Variants in PTPRD observed in about 807,000 individuals in gnomAD.
PTPRD encodes protein tyrosine phosphatase receptor type D.
In PTPRD, 34 loss-of-function variants were observed where a neutral mutation model predicts 214.5. The ratio of observed to expected loss-of-function variants is 0.16; its 90% CI spans 0.12 to 0.21. The LOEUF is 0.21. PTPRD is among the 10% of genes least tolerant of loss of function. PTPRD has a pLI of 1.00. For synonymous variants in PTPRD, 1,128 were observed against 845.7 expected (o/e 1.33, Z -5.79); for missense variants, 2,545 against 2,398.7 (o/e 1.06, Z -1.27).
chr9:9,826,124 T>A (rs1260235228), intron 5 of PTPRD, among the ~76,000 whole-genome samples: 2 of 151,822 alleles, frequency 1.3e-5, no homozygotes, highest in African/African-American at 4.8e-5. Flanking sequence ...GTATCTTTAA[T>A]ATTTATTAAT....
In PTPRD at chr9:8,317,721, A is replaced by ATTTG. The variant is rs1451366721; in HGVS notation, c.*149_*152dup. The ATTTG allele has an allele frequency of 1.2e-5, 7 of 580,258 alleles. No homozygotes were observed. The highest frequency in any genetic ancestry group is 9.2e-5 in the African/African-American group (5 of 54,464). The allele number at this position is 580,258 out of a possible 1,614,324, so 35.9% of individuals were successfully genotyped here. On this transcript the variant is annotated 3_prime_UTR_variant, in exon 46 of 46. Transcript: ENST00000381196. ...GTGAATTCTTGGTCCACCTGGAATA[A>ATTTG]TTTGTTTTTAATTTGTTTTGTGTGT...
chr9:8,908,491 A>T (rs1473458972), intron 11 of PTPRD, among the ~76,000 whole-genome samples: 3 of 152,148 alleles, frequency 2.0e-5, no homozygotes, highest in Admixed American at 2.0e-4. Flanking sequence ...TTTTTAAATA[A>T]CCCATGGGGT....
At chr9:8,628,318 G>T (rs951975280) in intron 14 of PTPRD, among the ~76,000 whole-genome samples, 1 of 151,862 alleles carries the variant, frequency 6.6e-6, no homozygotes, top group Admixed American at 6.6e-5. Context: ...CTCCCTGAAA[G>T]ATTGTAAAAG....
chr9:10,193,465 G>A (rs183894320), intron 3 of PTPRD, among the ~76,000 whole-genome samples: 1 of 152,202 alleles, frequency 6.6e-6, no homozygotes, highest in African/African-American at 2.4e-5. Context: ...TAAAGTACTA[G>A]CATGGGAACA....
intron 14 of PTPRD, among the ~76,000 whole-genome samples, chr9:8,612,714 G>A (rs915296564): frequency 1.3e-5 from 2 of 152,228 alleles, no homozygotes; most frequent in African/African-American, 4.8e-5. Context: ...AGAAGAGGAT[G>A]ACAACTTCTG....
chr9:10,541,184 A>C lies in PTPRD; in HGVS notation c.-600+71214T>G, dbSNP rs144939539. Among the ~76,000 whole-genome samples the C allele has an allele frequency of 1.1e-3, 169 of 152,308 alleles. 1 individual carries two copies. Among genetic ancestry groups the C allele is most frequent in the African/African-American group, 3.5e-3 (146 of 41,580 alleles). On this transcript the variant is annotated intron_variant, in intron 2 of 45. Coordinates refer to ENST00000381196, the MANE Select transcript of PTPRD (RefSeq NM_002839.4). Reference sequence around the variant, plus strand: ...GATAGTGCCCTGTAAGAGTTGGAAAATGTATTCATTCTTTAAATGCTGATA... The same window carrying C: ...GATAGTGCCCTGTAAGAGTTGGAAACTGTATTCATTCTTTAAATGCTGATA...
intron 39 of PTPRD, among the ~76,000 whole-genome samples, chr9:8,363,320 T>C (rs938924417): frequency 2.0e-5 from 3 of 152,184 alleles, no homozygotes; most frequent in African/African-American, 4.8e-5. Flanking sequence ...AATCTCAATA[T>C]AAGCTCTGCT....
At chr9:8,571,118 C>A (rs2091018189) in intron 14 of PTPRD, among the ~76,000 whole-genome samples, 1 of 152,046 alleles carries the variant, frequency 6.6e-6, no homozygotes, top group Non-Finnish European at 1.5e-5. Flanking sequence ...TCAATTTTTA[C>A]CTTGAGCAAT....
At chr9:9,433,069 C>A (rs1217502805) in intron 8 of PTPRD, among the ~76,000 whole-genome samples, 2 of 151,900 alleles carry the variant, frequency 1.3e-5, no homozygotes, top group African/African-American at 4.8e-5. Context: ...GAAGGGCACA[C>A]AAAAGATAGG....
At chr9:8,502,403 G>C (rs10977164) in intron 23 of PTPRD, among the ~76,000 whole-genome samples, 4,257 of 152,106 alleles carry the variant, frequency 0.028, 188 homozygotes, top group African/African-American at 0.092. Flanking sequence ...GGAGTGCCAG[G>C]TGTATCCAAT....
intron 7 of PTPRD, among the ~76,000 whole-genome samples, chr9:9,579,376 A>T (rs938667971): frequency 1.3e-5 from 2 of 152,156 alleles, no homozygotes; most frequent in Non-Finnish European, 2.9e-5. Context: ...GAGGTAAACA[A>T]ATATATCCAA....
rs1296014869 is a variant in PTPRD at position 10,014,495 on chromosome 9, C to G, written c.-472+19223G>C. ...TATTCAAATGGTTGTTTTCTAATGA[C>G]TTGGTAACATGAAAGACAATTGTAT... On this transcript the variant is annotated intron_variant, in intron 4 of 45. Coordinates refer to ENST00000381196, the MANE Select transcript of PTPRD (RefSeq NM_002839.4). Among the ~76,000 whole-genome samples, 6 of 152,132 alleles carry G rather than the reference C, an allele frequency of 3.9e-5. No homozygotes were observed. In the South Asian group the frequency reaches 8.3e-4, roughly 21 times the overall value.
intron 5 of PTPRD, among the ~76,000 whole-genome samples, chr9:9,797,745 G>GC (rs2099012664): frequency 6.6e-6 from 1 of 152,084 alleles, no homozygotes; most frequent in Non-Finnish European, 1.5e-5. Flanking sequence ...ACTCGGGGGG[G>GC]GCTGAGGCAG....
chr9:10,178,170 G>C (rs1414095084), intron 3 of PTPRD, among the ~76,000 whole-genome samples: 1 of 151,946 alleles, frequency 6.6e-6, no homozygotes, highest in Non-Finnish European at 1.5e-5. Flanking sequence ...AGTTGTAAAA[G>C]ATATTTACTT....
chr9:9,809,243 A>G (rs374017968), intron 5 of PTPRD, among the ~76,000 whole-genome samples: 3 of 151,468 alleles, frequency 2.0e-5, no homozygotes, highest in South Asian at 4.2e-4. Flanking sequence ...TTCAGCAGAT[A>G]AAGGGCCTTA....
At chr9:9,341,955 T>G (rs1014126142) in intron 9 of PTPRD, among the ~76,000 whole-genome samples, 4 of 152,146 alleles carry the variant, frequency 2.6e-5, no homozygotes, top group Admixed American at 1.3e-4. Flanking sequence ...ATTACAGGCA[T>G]GTGCCACCAT....
chr9:8,669,090 C>A (rs78009908), intron 12 of PTPRD, among the ~76,000 whole-genome samples: 2 of 152,042 alleles, frequency 1.3e-5, no homozygotes, highest in Non-Finnish European at 2.9e-5. Context: ...GGGAGGTACT[C>A]CTTGCCCCAA....
intron 11 of PTPRD, among the ~76,000 whole-genome samples, chr9:8,967,810 T>C (rs1474570608): frequency 6.6e-6 from 1 of 152,078 alleles, no homozygotes; most frequent in East Asian, 1.9e-4. Context: ...CGTGCAGGTG[T>C]GTTACATATG....
At chr9:9,695,943 C>A (rs777817791) in intron 7 of PTPRD, among the ~76,000 whole-genome samples, 1 of 151,952 alleles carries the variant, frequency 6.6e-6, no homozygotes, top group Admixed American at 6.6e-5. Flanking sequence ...TCCTCCTTTT[C>A]AATTTTTTTT....
Sources: allele counts gnomAD v4.1 joint callset (sites outside exome capture counted in the v4.1 genomes callset), GRCh38; gene constraint gnomAD v4.1.1; transcripts MANE v1.5; gene names NCBI Gene and HGNC (gene_info 2026-07-23, HGNC 2026-07-21).